Variants in CDH18 observed in about 807,000 individuals in gnomAD.
CDH18 encodes the protein cadherin 18.
CDH18 carries 31 observed loss-of-function variants against 67.9 expected under a neutral mutation model. That is an observed-to-expected ratio of 0.46 (90% CI 0.34 to 0.62). The LOEUF (loss-of-function observed/expected upper bound fraction) is 0.62, where lower values mean the gene tolerates loss of function less well. Among genes scored for constraint, CDH18 ranks in the 20% least tolerant of loss-of-function variants. The pLI, the probability that CDH18 is intolerant of heterozygous loss-of-function variation, is 0.01. For missense variants in CDH18, 890 were observed against 975.5 expected (o/e 0.91, Z 1.17); for synonymous variants, 362 against 347.2 (o/e 1.04, Z -0.48).
intron 2 of CDH18, among the ~76,000 whole-genome samples, chr5:20,161,303 C>A (rs1393808023): frequency 1.3e-5 from 2 of 152,154 alleles, no homozygotes. Context: ...TTTTATGTTG[C>A]CTCTCATAGT....
intron 2 of CDH18, among the ~76,000 whole-genome samples, chr5:20,114,767 C>T (rs1457980536): frequency 6.6e-6 from 1 of 152,066 alleles, no homozygotes; most frequent in Non-Finnish European, 1.5e-5. Context: ...TACTGAGATC[C>T]AAGCAGCTCT....
chr5:20,383,030 T>C (rs1269001023), intron 1 of CDH18, among the ~76,000 whole-genome samples: 2 of 152,112 alleles, frequency 1.3e-5, no homozygotes, highest in African/African-American at 4.8e-5. Context: ...TTGCCTTACC[T>C]GCCGCTTTTG....
At chr5:20,329,768 CAAAAAAAA>C (rs60246535) in intron 1 of CDH18, among the ~76,000 whole-genome samples, 10 of 62,568 alleles carry the variant, frequency 1.6e-4, no homozygotes, top group Non-Finnish European at 2.5e-4. Context: ...GAAACTCCAT[CAAAAAAAA>C]AAAAAAAAAA....
At chr5:20,221,703 T>C (rs1741240325) in intron 2 of CDH18, among the ~76,000 whole-genome samples, 1 of 152,154 alleles carries the variant, frequency 6.6e-6, no homozygotes. Flanking sequence ...AGGCATTATA[T>C]GCCTGTATCA....
chr5:19,920,414 A>T (rs1194662710), intron 2 of CDH18, among the ~76,000 whole-genome samples: 4 of 152,078 alleles, frequency 2.6e-5, no homozygotes, highest in African/African-American at 7.2e-5. Context: ...TGCTGTCACT[A>T]CCATCAATTC....
intron 2 of CDH18, among the ~76,000 whole-genome samples, chr5:19,950,768 C>T (rs552540990): frequency 1.3e-5 from 2 of 151,934 alleles, no homozygotes; most frequent in Non-Finnish European, 2.9e-5. Context: ...AAATATTTGA[C>T]ATGTAATGTT....
chr5:19,926,533 T>C (rs1793105751), intron 2 of CDH18, among the ~76,000 whole-genome samples: 2 of 152,136 alleles, frequency 1.3e-5, no homozygotes, highest in Admixed American at 1.3e-4. Context: ...AGACTGAAGT[T>C]AATATAAGGC....
intron 2 of CDH18, among the ~76,000 whole-genome samples, chr5:19,994,851 T>G (rs551821311): frequency 0.13 from 5,067 of 39,122 alleles, 739 homozygotes; most frequent in Middle Eastern, 0.21. Context: ...TATATATATA[T>G]ATATAGAGAG....
chr5:19,564,256 G>A (rs994140823), intron 8 of CDH18, among the ~76,000 whole-genome samples: 14 of 152,154 alleles, frequency 9.2e-5, no homozygotes, highest in African/African-American at 3.4e-4. Flanking sequence ...CGTGGTCAAG[G>A]GAGTGCTTCT....
intron 2 of CDH18, among the ~76,000 whole-genome samples, chr5:19,996,080 A>C (rs1338305237): frequency 6.6e-6 from 1 of 152,154 alleles, no homozygotes; most frequent in African/African-American, 2.4e-5. Flanking sequence ...ATATTCAATG[A>C]ATCAGAACTT....
chr5:20,167,690 G>A (rs754061252), intron 2 of CDH18, among the ~76,000 whole-genome samples: 17 of 152,078 alleles, frequency 1.1e-4, no homozygotes, highest in Non-Finnish European at 2.1e-4. Flanking sequence ...GCAGTGAATA[G>A]GCTGCCACCA....
intron 2 of CDH18, among the ~76,000 whole-genome samples, chr5:20,169,416 C>T (rs962439767): frequency 1.3e-5 from 2 of 152,054 alleles, no homozygotes; most frequent in African/African-American, 2.4e-5. Flanking sequence ...AAAGGAGGAA[C>T]ATTGAATTGT....
At chr5:20,534,841 T>G (rs960069091) in intron 1 of CDH18, among the ~76,000 whole-genome samples, 9 of 151,494 alleles carry the variant, frequency 5.9e-5, no homozygotes, top group African/African-American at 1.9e-4. Flanking sequence ...ATTTATTTAT[T>G]TATTTATTTA....
At chr5:20,406,815 A>G (rs1020511098) in intron 1 of CDH18, among the ~76,000 whole-genome samples, 1 of 152,224 alleles carries the variant, frequency 6.6e-6, no homozygotes, top group Non-Finnish European at 1.5e-5. Context: ...TAATGCAAGT[A>G]TAAGTTCCTT....
chr5:19,587,931 T>G (rs1310980775), intron 7 of CDH18, among the ~76,000 whole-genome samples: 1 of 152,108 alleles, frequency 6.6e-6, no homozygotes. Flanking sequence ...CATGGAATTT[T>G]TTTCGTTTGT....
At chr5:20,095,432 AAAGAAAG>A (rs1487908270) in intron 2 of CDH18, among the ~76,000 whole-genome samples, 1 of 143,252 alleles carries the variant, frequency 7.0e-6, no homozygotes, top group African/African-American at 2.6e-5. Context: ...AGAAAGAAAG[AAAGAAAG>A]AAAGAAAAGA....
In CDH18 at chr5:19,484,576, C is replaced by A. The variant is rs150337623; in HGVS notation, c.1631-1024G>T. Among the ~76,000 whole-genome samples, 350 of 150,810 alleles carry A rather than the reference C, an allele frequency of 2.3e-3. 4 individuals are homozygous for A. The highest frequency in any genetic ancestry group is 8.0e-3 in the African/African-American group (323 of 40,128). On this transcript the variant is annotated intron_variant, in intron 11 of 12. Transcript: ENST00000382275. ...TTCCTGTTGCCGTAGCTATAGATTG[C>A]CACCTGCCCCCAGGTCACACTTCTG...
At chr5:19,721,179 A>T (rs1038077957) in intron 5 of CDH18, among the ~76,000 whole-genome samples, 168 bp downstream of exon 5, 9 of 152,224 alleles carry the variant, frequency 5.9e-5, no homozygotes, top group Non-Finnish European at 1.3e-4. Flanking sequence ...ATGTACATTA[A>T]TTTATTTTCA....
intron 2 of CDH18, among the ~76,000 whole-genome samples, chr5:20,107,243 G>A (rs1747031195): frequency 6.6e-6 from 1 of 151,952 alleles, no homozygotes; most frequent in East Asian, 1.9e-4. Flanking sequence ...ATCACGCCCG[G>A]CTATTTTTTT....
Sources: gnomAD v4.1 joint callset for allele counts (sites outside exome capture counted in the v4.1 genomes callset) on GRCh38, gnomAD v4.1.1 for gene constraint, MANE v1.5 for transcripts, NCBI Gene and HGNC (gene_info 2026-07-23, HGNC 2026-07-21) for gene names.